Variants in WWC1 observed in about 807,000 individuals in gnomAD.
The protein encoded by WWC1 is protein KIBRA.
A neutral mutation model predicts 138.4 loss-of-function variants in WWC1; 55 were observed. The observed-to-expected ratio is 0.40, with a 90% CI of 0.32 to 0.50. WWC1 has a LOEUF of 0.50. WWC1 is among the 20% of genes least tolerant of loss of function. The probability of loss-of-function intolerance (pLI) is 0.72; values close to 1 mark genes in which losing one functional copy is unlikely to be tolerated. For synonymous variants in WWC1, 524 were observed against 564.9 expected (o/e 0.93, Z 1.03); for missense variants, 1,226 against 1,420.4 (o/e 0.86, Z 2.20).
At chr5:168,438,260 C>T (rs1754419625) in intron 15 of WWC1, among the ~76,000 whole-genome samples, 1 of 152,114 alleles carries the variant, frequency 6.6e-6, no homozygotes, top group South Asian at 2.1e-4. Flanking sequence ...CCCCATAATC[C>T]CCATGTGTTG....
intron 8 of WWC1, among the ~76,000 whole-genome samples, chr5:168,410,997 C>T (rs544141551): frequency 5.5e-5 from 8 of 144,570 alleles, no homozygotes; most frequent in African/African-American, 1.3e-4. Flanking sequence ...TGCAGTGGCG[C>T]GATCTGCAAG....
In WWC1 at chr5:168,334,830, G is replaced by GTGAC. The variant is rs1773323269; in HGVS notation, c.120-36590_120-36587dup. Among the ~76,000 whole-genome samples, 5 of 152,382 alleles carry GTGAC rather than the reference G, an allele frequency of 3.3e-5. No individual in the cohort carries two copies. The South Asian group carries it at 1.0e-3, about 32-fold the overall frequency. The stretch of plus-strand genomic sequence containing the variant: ...TTCCAGCAGGGAGGCAGCTGAGGAT[G>GTGAC]TGACTGAGCGCCTGAGCGCCTGGAG... On this transcript the variant is annotated intron_variant, in intron 1 of 22. Transcript: ENST00000265293.
intron 4 of WWC1, among the ~76,000 whole-genome samples, 178 bp downstream of exon 4, chr5:168,397,978 G>A (rs1462464327): frequency 6.6e-6 from 1 of 152,120 alleles, no homozygotes; most frequent in Non-Finnish European, 1.5e-5. Context: ...GGTTGTAGCA[G>A]CTACCATTTC....
chr5:168,467,786 G>GC, intron 21 of WWC1, 54 bp from the exon 22 acceptor site: 1 of 1,611,908 alleles, frequency 6.2e-7, no homozygotes. Context: ...AGTTCTCCTT[G>GC]CCCCTTTCTG....
intron 17 of WWC1, among the ~76,000 whole-genome samples, chr5:168,447,637 T>C (rs1755396259): frequency 6.6e-6 from 1 of 152,216 alleles, no homozygotes; most frequent in Admixed American, 6.5e-5. Flanking sequence ...TGGCTGTAGT[T>C]TGCTGGTTCT....
chr5:168,440,863 A>T (rs1336813386), intron 15 of WWC1, among the ~76,000 whole-genome samples: 1 of 152,206 alleles, frequency 6.6e-6, no homozygotes, highest in Non-Finnish European at 1.5e-5. Context: ...TGTTCATGGC[A>T]ACACTGCTCA....
chr5:168,339,832 T>TTCTTTCTTTCTTTC (rs796623514), intron 1 of WWC1, among the ~76,000 whole-genome samples: 1,084 of 48,328 alleles, frequency 0.022, 25 homozygotes, highest in African/African-American at 0.038. Context: ...CTTTCTTTCT[T>TTCTTTCTTTCTTTC]TTTCTTTTCT....
intron 1 of WWC1, among the ~76,000 whole-genome samples, chr5:168,359,030 T>TGG (rs769266538): frequency 1.3e-4 from 13 of 99,276 alleles, no homozygotes; most frequent in South Asian, 4.0e-4. Context: ...TTGGTGGTGG[T>TGG]GGGGTGTGTG....
rs1491364364 is a variant in WWC1 at position 168,403,079 on chromosome 5, T to TTTCTTTCTTTC, written c.591-3117_591-3116insCTTTCTTTCTT. Among the ~76,000 whole-genome samples, 75 of 95,796 alleles carry TTTCTTTCTTTC rather than the reference T, an allele frequency of 7.8e-4. 3 individuals carry two copies. Among genetic ancestry groups the TTTCTTTCTTTC allele is most frequent in the Middle Eastern group, 5.1e-3 (1 of 198 alleles). 62.8% of individuals were successfully genotyped at this position (95,796 alleles called of 152,430 possible). On this transcript the variant is annotated intron_variant, in intron 5 of 22. Coordinates refer to ENST00000265293, the MANE Select transcript of WWC1 (RefSeq NM_015238.3). ...CTTTCTTTCTTTCTTTCTTTCTTTC[T>TTTCTTTCTTTC]TTTCTTTCTTTTCTTTCTTTCTTTC...
intron 7 of WWC1, among the ~76,000 whole-genome samples, chr5:168,409,271 C>G (rs952055449): frequency 1.3e-5 from 2 of 152,216 alleles, no homozygotes; most frequent in African/African-American, 4.8e-5. Context: ...GGCGGACAGC[C>G]TCTATATGCT....
At chr5:168,409,590 C>G (rs925932789) in intron 7 of WWC1, among the ~76,000 whole-genome samples, 1 of 152,172 alleles carries the variant, frequency 6.6e-6, no homozygotes, top group African/African-American at 2.4e-5. Flanking sequence ...TTGGCTATCC[C>G]TGTTTCCTCC....
At chr5:168,397,104 T>C (rs1250033219) in intron 3 of WWC1, among the ~76,000 whole-genome samples, 1 of 151,702 alleles carries the variant, frequency 6.6e-6, no homozygotes, top group Non-Finnish European at 1.5e-5. Context: ...AATGCATATG[T>C]GTGTGTATAT....
At chr5:168,441,977 G>T in intron 16 of WWC1, 143 bp downstream of exon 16, 1 of 1,246,642 alleles carries the variant, frequency 8.0e-7, no homozygotes. Flanking sequence ...AGACAGGGAA[G>T]GAGAGATCTC....
chr5:168,371,707 T>C (rs1776763055), intron 2 of WWC1, among the ~76,000 whole-genome samples, 174 bp downstream of exon 2: 2 of 152,148 alleles, frequency 1.3e-5, no homozygotes, highest in African/African-American at 4.8e-5. Context: ...TAATGTATGC[T>C]TGTGTAAAAA....
chr5:168,389,958 G>A (rs1020388272), intron 3 of WWC1, among the ~76,000 whole-genome samples: 2 of 152,260 alleles, frequency 1.3e-5, no homozygotes, highest in Non-Finnish European at 2.9e-5. Flanking sequence ...ACTGGTCTAG[G>A]TAAGACACTT....
At chr5:168,412,279 C>T (rs1318514762) in intron 8 of WWC1, 2 of 818,494 alleles carry the variant, frequency 2.4e-6, no homozygotes, top group Non-Finnish European at 3.0e-6. Flanking sequence ...AAGGACAGAG[C>T]AGCCTGCTCA....
chr5:168,421,859 TA>T (rs1374915909), intron 9 of WWC1, 148 bp from the exon 10 acceptor site: 1 of 573,152 alleles, frequency 1.7e-6, no homozygotes, highest in Non-Finnish European at 3.3e-6. Flanking sequence ...CATAGGATTA[TA>T]ATATATGTGG....
intron 11 of WWC1, 39 bp from the exon 12 acceptor site, chr5:168,427,994 C>A: frequency 6.3e-7 from 1 of 1,589,966 alleles, no homozygotes; most frequent in South Asian, 1.1e-5. Context: ...AAGGCAGTTT[C>A]CTGGTTCCTG....
chr5:168,293,860 A>G (rs1210478111), intron 1 of WWC1, among the ~76,000 whole-genome samples: 1 of 152,188 alleles, frequency 6.6e-6, no homozygotes, highest in Non-Finnish European at 1.5e-5. Flanking sequence ...GTTCTTCACC[A>G]GCTCTGAAGT....
Sources: allele counts gnomAD v4.1 joint callset (sites outside exome capture counted in the v4.1 genomes callset), GRCh38; gene constraint gnomAD v4.1.1; transcripts MANE v1.5; gene names NCBI Gene and HGNC (gene_info 2026-07-23, HGNC 2026-07-21).